PON3: variants seen among roughly 807,000 people sequenced by gnomAD.
PON3 encodes serum paraoxonase/lactonase 3.
PON3 carries 37 observed loss-of-function variants against 36.3 expected under a neutral mutation model. The observed-to-expected ratio is 1.02, with a 90% CI of 0.78 to 1.34. The LOEUF (loss-of-function observed/expected upper bound fraction) is 1.34, where lower values mean the gene tolerates loss of function less well. Ranked by LOEUF, PON3 falls within the 40% of genes most tolerant of loss-of-function variation. The pLI, the probability that PON3 is intolerant of heterozygous loss-of-function variation, is 0.00. For synonymous variants in PON3, 155 were observed against 154.8 expected, an observed-to-expected ratio of 1.00 and a Z score of -0.01; for missense variants, 415 against 426.5, an observed-to-expected ratio of 0.97 and a Z score of 0.24.
intron 5 of PON3, chr7:95,364,734 C>G (rs1004710429): frequency 6.4e-6 from 1 of 155,910 alleles, no homozygotes; most frequent in Non-Finnish European, 1.4e-5. Context: ...GTTTTGCTGT[C>G]CTGTTATCAT....
At chr7:95,384,601 G>T (rs982025733) in intron 3 of PON3, among the ~76,000 whole-genome samples, 19 of 152,182 alleles carry the variant, frequency 1.2e-4, no homozygotes, top group Non-Finnish European at 5.9e-5. Context: ...ATGAAAAAAT[G>T]CTCATCATCA....
At chr7:95,371,224 A>G (rs1459394311) in intron 4 of PON3, among the ~76,000 whole-genome samples, 1 of 148,288 alleles carries the variant, frequency 6.7e-6, no homozygotes, top group Non-Finnish European at 1.5e-5. Flanking sequence ...GGTTATTTCC[A>G]CCTTTTGTAT....
intron 3 of PON3, among the ~76,000 whole-genome samples, chr7:95,389,380 T>C (rs1809268860): frequency 6.6e-6 from 1 of 152,194 alleles, no homozygotes. Flanking sequence ...TCTTTGGTGG[T>C]ATTTTATTGC....
intron 4 of PON3, among the ~76,000 whole-genome samples, chr7:95,371,846 CA>C (rs1326486838): frequency 1.3e-5 from 2 of 151,928 alleles, no homozygotes; most frequent in Non-Finnish European, 2.9e-5. Flanking sequence ...TAACGTCTCA[CA>C]GTTGTCTTTA....
intron 2 of PON3, among the ~76,000 whole-genome samples, chr7:95,392,708 C>G (rs1809344702): frequency 6.6e-6 from 1 of 152,204 alleles, no homozygotes; most frequent in Admixed American, 6.5e-5. Context: ...GAAAGGCCAT[C>G]TGGCATTCAT....
intron 5 of PON3, among the ~76,000 whole-genome samples, chr7:95,367,030 A>G (rs538384994): frequency 2.6e-5 from 4 of 152,370 alleles, no homozygotes; most frequent in Non-Finnish European, 4.4e-5. Context: ...AGGACAACCA[A>G]AAAAGGGTGT....
At chr7:95,370,428 A>G (rs998665015) in intron 4 of PON3, among the ~76,000 whole-genome samples, 1 of 151,922 alleles carries the variant, frequency 6.6e-6, no homozygotes, top group Non-Finnish European at 1.5e-5. Context: ...AGGGAGAGGA[A>G]GTGTCAAGGT....
At chr7:95,383,687 C>T (rs1424901059) in intron 3 of PON3, among the ~76,000 whole-genome samples, 1 of 152,096 alleles carries the variant, frequency 6.6e-6, no homozygotes, top group African/African-American at 2.4e-5. Context: ...CAAACCACTG[C>T]TCAACAAAAT....
chr7:95,372,159 CA>C lies in PON3; in HGVS notation c.367+13del, dbSNP rs1808821704. On this transcript the variant is annotated intron_variant, in intron 4 of 8. Transcript: ENST00000265627. ...CCCTCATTTCCCCCTTATCCCTAAA[CA>C]TACAGGTTTTACCTTTGTCGATGAA... 3 of 1,610,842 alleles carry C rather than the reference CA, an allele frequency of 1.9e-6. No individual in the cohort carries two copies. The highest frequency in any genetic ancestry group is 1.1e-5 in the South Asian group (1 of 90,974).
chr7:95,364,634 A>G (rs895902798), intron 5 of PON3: 6 of 167,456 alleles, frequency 3.6e-5, no homozygotes, highest in African/African-American at 1.4e-4. Context: ...ATAATATGAA[A>G]CTGAGTCCCT....
intron 3 of PON3, chr7:95,377,473 G>A (rs1468823268): frequency 7.2e-6 from 2 of 276,828 alleles, no homozygotes; most frequent in Non-Finnish European, 1.5e-5. Context: ...TCCTCAAGTG[G>A]GTCTCTGACA....
intron 2 of PON3, among the ~76,000 whole-genome samples, chr7:95,393,876 G>A (rs759452691): frequency 1.3e-5 from 2 of 152,098 alleles, no homozygotes; most frequent in African/African-American, 2.4e-5. Flanking sequence ...AAAGAAGGTA[G>A]GTAGGCTGTG....
intron 3 of PON3, among the ~76,000 whole-genome samples, chr7:95,373,719 A>C (rs1246463899): frequency 3.3e-5 from 5 of 152,172 alleles, no homozygotes; most frequent in African/African-American, 9.7e-5. Flanking sequence ...CTTCAGCCAG[A>C]CATTTAGTAC....
chr7:95,381,114 T>C (rs1169571567), intron 3 of PON3, among the ~76,000 whole-genome samples: 2 of 152,072 alleles, frequency 1.3e-5, no homozygotes, highest in Non-Finnish European at 2.9e-5. Flanking sequence ...GCTTCACAAG[T>C]GAAGGAGAAA....
intron 3 of PON3, among the ~76,000 whole-genome samples, chr7:95,382,220 T>C (rs535207805): frequency 6.6e-6 from 1 of 152,186 alleles, no homozygotes; most frequent in Non-Finnish European, 1.5e-5. Flanking sequence ...GAGGGAAATT[T>C]ATAGCACTAA....
In PON3 at chr7:95,362,421, A is replaced by T; in HGVS notation, c.847T>A (p.Cys283Ser). ...AGTAGCTTCATAGGATTAGGATGGC[A>T]TCCTGCCAAAATGTCTCCTGTGGCA... ...DPATGDILAGCHPNPMKLLNY... is the reference protein window; with the variant it reads ...DPATGDILAGSHPNPMKLLNY... The change falls in exon 8 of 9, where the codon TGC becomes AGC. Residue 283 changes from cysteine to serine, a missense_variant. Coordinates refer to ENST00000265627, the MANE Select transcript of PON3 (RefSeq NM_000940.3). 6.2e-7 allele frequency: 1 copy of T among 1,613,836 alleles called. No homozygotes were observed. The highest frequency in any genetic ancestry group is 8.5e-7 in the Non-Finnish European group (1 of 1,179,802).
rs775719281 is a variant in PON3 at position 95,362,785 on chromosome 7, T to C, written c.752A>G (p.Asp251Gly). Reference protein sequence around the residue: ...AKNIHIMEKHDNWDLTQLKVI... With the variant: ...AKNIHIMEKHGNWDLTQLKVI... ...CTTCAGTTGAGTTAAATCCCAGTTATCATGTTTTTCCATTATGTGAATGTT... is the reference window on the plus strand; with the variant it reads ...CTTCAGTTGAGTTAAATCCCAGTTACCATGTTTTTCCATTATGTGAATGTT... Residue 251 changes from aspartate (D) to glycine (G), a missense_variant, in exon 7 of 9, where the codon GAT (aspartate) becomes GGT (glycine). Physicochemically the swap from Asp to Gly is moderately conservative, Grantham distance 94. Coordinates refer to ENST00000265627, the MANE Select transcript of PON3 (RefSeq NM_000940.3). The C allele has an allele frequency of 1.9e-6, 3 of 1,611,166 alleles. No homozygotes were observed. In the East Asian group the frequency reaches 6.7e-5, roughly 36 times the overall value.
chr7:95,388,786 G>T (rs1432381190), intron 3 of PON3, among the ~76,000 whole-genome samples: 2 of 152,182 alleles, frequency 1.3e-5, no homozygotes, highest in Non-Finnish European at 1.5e-5. Flanking sequence ...CATGTCCTTT[G>T]CAGGGACATG....
intron 4 of PON3, among the ~76,000 whole-genome samples, chr7:95,371,646 T>A (rs1467265951): frequency 6.6e-6 from 1 of 152,188 alleles, no homozygotes; most frequent in East Asian, 1.9e-4. Context: ...TTACATTATT[T>A]GTGTTTTGTT....
Sources: gnomAD v4.1 joint callset for allele counts (sites outside exome capture counted in the v4.1 genomes callset) on GRCh38, gnomAD v4.1.1 for gene constraint, MANE v1.5 for transcripts, NCBI Gene and HGNC (gene_info 2026-07-23, HGNC 2026-07-21) for gene names.